GREB1L: variants seen among roughly 807,000 people sequenced by gnomAD.
GREB1L encodes the protein GREB1-like protein.
A neutral mutation model predicts 200.8 loss-of-function variants in GREB1L; 17 were observed. The ratio of observed to expected loss-of-function variants is 0.08; its 90% CI spans 0.06 to 0.13. The LOEUF (loss-of-function observed/expected upper bound fraction) is 0.13. Among genes scored for constraint, GREB1L ranks in the 10% least tolerant of loss-of-function variants. The probability of loss-of-function intolerance (pLI) is 1.00; values close to 1 mark genes in which losing one functional copy is unlikely to be tolerated. For synonymous variants in GREB1L, 789 were observed against 893.0 expected, an observed-to-expected ratio of 0.88 and a Z score of 2.08; for missense variants, 1,657 against 2,367.7, an observed-to-expected ratio of 0.70 and a Z score of 6.23.
chr18:21,440,414 G>A (rs373391550), intron 9 of GREB1L, 26 bp downstream of exon 9: 2 of 1,545,602 alleles, frequency 1.3e-6, no homozygotes, highest in Non-Finnish European at 1.8e-6. Flanking sequence ...AAGATGGATT[G>A]TAAGTGTGTT....
At chr18:21,493,961 C>G (rs541654003) in intron 19 of GREB1L, among the ~76,000 whole-genome samples, 1 of 144,144 alleles carries the variant, frequency 6.9e-6, no homozygotes, top group East Asian at 2.2e-4. Context: ...CCTGGTAAAG[C>G]TATGACCTCT....
chr18:21,519,406 T>G (rs2146120508), intron 31 of GREB1L, among the ~76,000 whole-genome samples: 1 of 152,154 alleles, frequency 6.6e-6, no homozygotes, highest in East Asian at 1.9e-4. Context: ...AAGGTTGCAG[T>G]GATCTGATTT....
At chr18:21,458,207 G>A (rs984241463) in intron 15 of GREB1L, among the ~76,000 whole-genome samples, 3 of 152,006 alleles carry the variant, frequency 2.0e-5, no homozygotes, top group African/African-American at 7.2e-5. Context: ...CCGACCTCAG[G>A]TGATCCACCC....
chr18:21,258,906 G>A (rs1304402984), intron 1 of GREB1L, among the ~76,000 whole-genome samples: 1 of 152,114 alleles, frequency 6.6e-6, no homozygotes, highest in Non-Finnish European at 1.5e-5. Context: ...GGATAATACT[G>A]CATAGTGGAA....
At chr18:21,327,586 T>G (rs1195899417) in intron 1 of GREB1L, among the ~76,000 whole-genome samples, 2 of 152,066 alleles carry the variant, frequency 1.3e-5, no homozygotes, top group Non-Finnish European at 2.9e-5. Flanking sequence ...ATTATCTTTT[T>G]GAAAAGCACA....
intron 17 of GREB1L, among the ~76,000 whole-genome samples, chr18:21,480,913 A>G (rs1166250738): frequency 6.6e-6 from 1 of 152,068 alleles, no homozygotes; most frequent in Non-Finnish European, 1.5e-5. Flanking sequence ...CCAGCTACTC[A>G]GAAGGCTGAG....
At chr18:21,440,118 A>T (rs1598842897) in intron 8 of GREB1L, 151 bp from the exon 9 acceptor site, 8 of 772,340 alleles carry the variant, frequency 1.0e-5, no homozygotes, top group Non-Finnish European at 1.4e-5. Flanking sequence ...GCTTTTTTTT[A>T]AACTTTACCT....
chr18:21,434,424 C>T (rs750625946), intron 7 of GREB1L, among the ~76,000 whole-genome samples: 6 of 149,594 alleles, frequency 4.0e-5, no homozygotes, highest in African/African-American at 1.2e-4. Flanking sequence ...TGCAGTGAGC[C>T]GAGATCACAC....
rs2040446896 is a variant in GREB1L at position 21,384,334 on chromosome 18, T to A, written c.286T>A (p.Ser96Thr). The A allele has an allele frequency of 6.4e-7, 1 of 1,551,764 alleles. No individual in the cohort carries two copies. The highest frequency in any genetic ancestry group is 8.7e-7 in the Non-Finnish European group (1 of 1,147,000). The change falls in exon 4 of 33, where the codon TCT (serine) becomes ACT (threonine). Residue 96 changes from serine to threonine, a missense_variant. Around this residue, in one of 9 missense-constraint regions of GREB1L, gnomAD observed 121 missense variants for 126.6 expected, o/e 0.96. Transcript: ENST00000424526. ...MEDDEDDEEM[S>T]DSNSPPIPYS... ...AGATGATGAAGACGATGAAGAAATG[T>A]CTGATTCAAACAGCCCACCAATTCC...
intron 17 of GREB1L, among the ~76,000 whole-genome samples, chr18:21,484,110 C>G (rs956476312): frequency 6.6e-6 from 1 of 151,596 alleles, no homozygotes; most frequent in Non-Finnish European, 1.5e-5. Flanking sequence ...CTTCTCTTAC[C>G]CTTGCTTTTT....
intron 23 of GREB1L, among the ~76,000 whole-genome samples, chr18:21,501,835 C>T (rs922731926): frequency 3.9e-5 from 6 of 152,148 alleles, no homozygotes; most frequent in East Asian, 1.9e-4. Flanking sequence ...AACAAAACAT[C>T]GGCACTGAGA....
chr18:21,454,142 T>C (rs2034648966), intron 14 of GREB1L, among the ~76,000 whole-genome samples: 1 of 152,146 alleles, frequency 6.6e-6, no homozygotes, highest in South Asian at 2.1e-4. Flanking sequence ...AATAATACAT[T>C]TGCAAAACTG....
At chr18:21,512,990 T>C (rs144605752) in intron 27 of GREB1L, among the ~76,000 whole-genome samples, 1 of 152,296 alleles carries the variant, frequency 6.6e-6, no homozygotes, top group East Asian at 1.9e-4. Flanking sequence ...CTCATAAAAT[T>C]TGGCTGATTA....
chr18:21,457,078 C>T (rs1192647246), intron 15 of GREB1L, among the ~76,000 whole-genome samples: 2 of 152,208 alleles, frequency 1.3e-5, no homozygotes, highest in South Asian at 2.1e-4. Flanking sequence ...GAAATAACCT[C>T]TCAGTGACCT....
At chr18:21,443,039 G>A (rs1481076774) in intron 10 of GREB1L, among the ~76,000 whole-genome samples, 1 of 151,632 alleles carries the variant, frequency 6.6e-6, no homozygotes, top group Non-Finnish European at 1.5e-5. Flanking sequence ...GAGTAGCTGA[G>A]ATTACGAGCG....
chr18:21,255,522 T>A (rs1359233045), intron 1 of GREB1L, among the ~76,000 whole-genome samples: 8 of 152,188 alleles, frequency 5.3e-5, no homozygotes, highest in Non-Finnish European at 1.2e-4. Flanking sequence ...TAGATGAGAA[T>A]CAGCTGTTTG....
intron 1 of GREB1L, among the ~76,000 whole-genome samples, chr18:21,318,791 G>A (rs2038910102): frequency 6.6e-6 from 1 of 152,020 alleles, no homozygotes. Flanking sequence ...TATAAAACAT[G>A]CGTAACAGAT....
intron 11 of GREB1L, among the ~76,000 whole-genome samples, chr18:21,444,964 G>A (rs1239765324): frequency 1.3e-5 from 2 of 152,144 alleles, no homozygotes; most frequent in Admixed American, 6.5e-5. Flanking sequence ...AGGTCTTTAA[G>A]CTATAGGGTA....
At chr18:21,505,643 T>A (rs981849813) in intron 24 of GREB1L, 76 bp downstream of exon 24, 60 of 1,491,306 alleles carry the variant, frequency 4.0e-5, no homozygotes, top group Non-Finnish European at 5.4e-5. Flanking sequence ...CATCTCACTT[T>A]TCTTTCGCTC....
Sources: gnomAD v4.1 joint callset for allele counts (sites outside exome capture counted in the v4.1 genomes callset) on GRCh38, gnomAD v4.1.1 for gene constraint, gnomAD v4.1.1 regional missense constraint, MANE v1.5 for transcripts, NCBI Gene and HGNC (gene_info 2026-07-23, HGNC 2026-07-21) for gene names.